The following MAST4 variants were observed in gnomAD, a reference collection of about 807,000 sequenced individuals.
MAST4 encodes microtubule associated serine/threonine kinase family member 4.
Under a neutral mutation model 162.7 loss-of-function variants are expected in MAST4, and 89 were observed. The observed-to-expected ratio is 0.55, with a 90% CI of 0.46 to 0.65. The LOEUF (loss-of-function observed/expected upper bound fraction) is 0.65, where lower values mean the gene tolerates loss of function less well. Among genes scored for constraint, MAST4 ranks in the 30% least tolerant of loss-of-function variants. MAST4 has a pLI of 0.00. For synonymous variants in MAST4, 1,479 were observed against 1,361.1 expected (o/e 1.09, Z -1.91); for missense variants, 3,153 against 3,374.0 (o/e 0.93, Z 1.62).
At chr5:67,034,046 A>C (rs1649531956) in intron 4 of MAST4, among the ~76,000 whole-genome samples, 1 of 152,210 alleles carries the variant, frequency 6.6e-6, no homozygotes, top group African/African-American at 2.4e-5. Flanking sequence ...AGCATAAACC[A>C]GTCGGCCGGT....
rs535337950 is a variant in MAST4, at chr5:66,958,832, G to A, written c.674+58850G>A. ...GGGAGGTGGGGAATAGTTGACGTGT[G>A]CTGAGATAAACTCTTTTACAAGTAT... On this transcript the variant is annotated intron_variant, in intron 4 of 28. Transcript: ENST00000403625. 5 of 174,250 alleles carry A rather than the reference G, an allele frequency of 2.9e-5. No individual in the cohort carries two copies. In the South Asian group the frequency reaches 7.6e-4, roughly 26 times the overall value. The allele number at this position is 174,250 out of a possible 1,614,324, so 10.8% of individuals were successfully genotyped here. A position where few individuals can be genotyped will look rare whatever the true frequency, so the allele number is the denominator to read the frequency against.
At chr5:67,003,496 C>T (rs1751525218) in intron 4 of MAST4, among the ~76,000 whole-genome samples, 3 of 152,150 alleles carry the variant, frequency 2.0e-5, no homozygotes, top group Admixed American at 2.0e-4. Flanking sequence ...CTTTATCCTC[C>T]CATTTTTGTA....
intron 3 of MAST4, among the ~76,000 whole-genome samples, chr5:66,822,930 G>T (rs895117149): frequency 2.6e-5 from 4 of 152,150 alleles, no homozygotes; most frequent in Admixed American, 6.5e-5. Context: ...ATATGGTTTG[G>T]CTTGGTGTCC....
At chr5:66,650,276 G>A (rs556452532) in intron 1 of MAST4, among the ~76,000 whole-genome samples, 16 of 151,980 alleles carry the variant, frequency 1.1e-4, no homozygotes, top group East Asian at 3.9e-4. Flanking sequence ...GATCCTTCTC[G>A]GGTGCCCCAG....
intron 4 of MAST4, among the ~76,000 whole-genome samples, chr5:67,023,568 G>C (rs73115757): frequency 0.033 from 5,066 of 152,144 alleles, 256 homozygotes; most frequent in African/African-American, 0.11. Flanking sequence ...GTGGACCCTG[G>C]GTCCTATTAT....
At chr5:67,092,848 A>AG (rs35368762) in intron 6 of MAST4, among the ~76,000 whole-genome samples, 59,748 of 151,958 alleles carry the variant, frequency 0.39, 14,503 homozygotes, top group African/African-American at 0.7. Flanking sequence ...TCTGGTTGTC[A>AG]TTTCCAGATG....
intron 14 of MAST4, among the ~76,000 whole-genome samples, chr5:67,123,341 A>G (rs1767808161): frequency 6.6e-6 from 1 of 152,210 alleles, no homozygotes; most frequent in South Asian, 2.1e-4. Context: ...TATAAAGCCA[A>G]TTTGGTAAAC....
In MAST4 at chr5:67,166,804, G is replaced by A. The variant is rs759087066; in HGVS notation, c.7625G>A (p.Gly2542Asp). Reference protein sequence around the residue: ...ESHHPDPNTMGGASHRDRALS... With the variant: ...ESHHPDPNTMDGASHRDRALS... The stretch of plus-strand genomic sequence containing the variant: ...CACCACCCCGACCCAAACACCATGG[G>A]CGGGGCCAGCCACCGGGACAGGGCT... Residue 2542 changes from glycine to aspartate, a missense_variant, in exon 29 of 29, where the codon GGC (glycine) becomes GAC (aspartate). Physicochemically the swap from Gly to Asp is moderately conservative, Grantham distance 94 (BLOSUM62 -1). Around this residue, in one of 7 missense-constraint regions of MAST4, gnomAD observed 1,644 missense variants for 1,495.0 expected, o/e 1.10. Transcript: ENST00000403625. The A allele has an allele frequency of 6.2e-7, 1 of 1,603,562 alleles. No homozygotes were observed. The highest frequency in any genetic ancestry group is 8.5e-7 in the Non-Finnish European group (1 of 1,175,744).
At chr5:66,957,988 A>T (rs1581012028) in intron 4 of MAST4, among the ~76,000 whole-genome samples, 1 of 152,334 alleles carries the variant, frequency 6.6e-6, no homozygotes, top group East Asian at 1.9e-4. Context: ...TAATCCTATT[A>T]TAGCCGCCAA....
intron 3 of MAST4, among the ~76,000 whole-genome samples, chr5:66,808,612 CTG>C (rs1202034297): frequency 3.3e-5 from 5 of 152,224 alleles, no homozygotes; most frequent in Admixed American, 2.0e-4. Flanking sequence ...TGTCGTGTCT[CTG>C]TGTCCTCTCC....
chr5:67,076,591 A>G (rs1211940636), intron 5 of MAST4, among the ~76,000 whole-genome samples: 1 of 152,090 alleles, frequency 6.6e-6, no homozygotes, highest in Non-Finnish European at 1.5e-5. Context: ...TCCCTCTGAA[A>G]AGTGTTTTAT....
rs151226126 is a variant in MAST4 at position 66,973,984 on chromosome 5, C to G, written c.674+74002C>G. ...TGATGCAATTAATCTTTGAGCACCT[C>G]CTCACTTTCTGGCACAGGATGTTCT... is the stretch of plus-strand genomic sequence containing the variant. On this transcript the variant is annotated intron_variant, in intron 4 of 28. Coordinates refer to ENST00000403625, the MANE Select transcript of MAST4 (RefSeq NM_001164664.2). Among the ~76,000 whole-genome samples, 1,191 of 152,226 alleles carry G rather than the reference C, an allele frequency of 7.8e-3. 4 individuals carry two copies. The highest frequency in any genetic ancestry group is 0.02 in the Middle Eastern group (6 of 294).
chr5:67,073,146 T>C (rs779992748), intron 5 of MAST4, among the ~76,000 whole-genome samples: 4 of 152,118 alleles, frequency 2.6e-5, no homozygotes, highest in Admixed American at 6.6e-5. Flanking sequence ...AGAGTGAGCA[T>C]TGGAGGCCAA....
chr5:66,836,869 G>T (rs1466882519), intron 3 of MAST4, among the ~76,000 whole-genome samples: 1 of 151,994 alleles, frequency 6.6e-6, no homozygotes, highest in Non-Finnish European at 1.5e-5. Context: ...GGAAGAATCT[G>T]TACACTAAAC....
intron 5 of MAST4, among the ~76,000 whole-genome samples, chr5:67,063,788 C>T (rs1759916598): frequency 6.6e-6 from 1 of 152,042 alleles, no homozygotes. Context: ...TTGCTGAAGT[C>T]CCAGCTGGAT....
intron 5 of MAST4, among the ~76,000 whole-genome samples, chr5:67,065,479 T>C (rs1760122727): frequency 6.6e-6 from 1 of 152,070 alleles, no homozygotes. Flanking sequence ...ACAGGCAAAC[T>C]AACTGTTCCA....
Position 67,163,896 on chromosome 5 carries a change from G to C in MAST4, c.4717G>C (p.Glu1573Gln). 6.2e-7 allele frequency: 1 copy of C among 1,614,044 alleles called. No homozygotes were observed. Among genetic ancestry groups the C allele is most frequent in the South Asian group, 1.1e-5 (1 of 91,074 alleles). Reference sequence around the variant, plus strand: ...TGCTCTGTTTAAGCTGGAAGAGAGAGAGAAGAAAGTCTATCCGAAGGCTGT... The same window carrying C: ...TGCTCTGTTTAAGCTGGAAGAGAGACAGAAGAAAGTCTATCCGAAGGCTGT... ...NFALFKLEER[E>Q]KKVYPKAVER... The change falls in exon 29 of 29, where the codon GAG becomes CAG. Residue 1573 changes from glutamate to glutamine, a missense_variant. Glu to Gln is a conservative substitution (Grantham distance 29, BLOSUM62 2). Around this residue, in one of 7 missense-constraint regions of MAST4, gnomAD observed 1,644 missense variants for 1,495.0 expected, o/e 1.10. Transcript: ENST00000403625. This position sits in a 1 kb window ranked among gnomAD's most constrained non-coding sequence, Gnocchi z 7.0.
intron 1 of MAST4, among the ~76,000 whole-genome samples, chr5:66,757,157 C>T (rs1753589928): frequency 6.6e-6 from 1 of 151,926 alleles, no homozygotes; most frequent in East Asian, 1.9e-4. Flanking sequence ...AGCAGTCTTC[C>T]CCAGAGTAAT....
chr5:66,675,590 G>A (rs1035002278), intron 1 of MAST4, among the ~76,000 whole-genome samples: 1 of 152,132 alleles, frequency 6.6e-6, no homozygotes, highest in Non-Finnish European at 1.5e-5. Context: ...GTGATGCCTG[G>A]AGGCATCTCC....
Sources: allele counts gnomAD v4.1 joint callset (sites outside exome capture counted in the v4.1 genomes callset), GRCh38; gene constraint gnomAD v4.1.1; regional missense constraint gnomAD v4.1.1; non-coding constraint Gnocchi (gnomAD v3.1); transcripts MANE v1.5; gene names NCBI Gene and HGNC (gene_info 2026-07-23, HGNC 2026-07-21).